The following FANCA variants were observed in gnomAD, a reference collection of about 807,000 sequenced individuals.
FANCA encodes the protein FA complementation group A.
Under a neutral mutation model 194.3 loss-of-function variants are expected in FANCA, and 236 were observed. The observed-to-expected ratio is 1.21, with a 90% CI of 1.09 to 1.35. FANCA has a LOEUF of 1.35. Among genes scored for constraint, FANCA ranks in the 40% most tolerant of loss-of-function variants. FANCA has a pLI of 0.00. For synonymous variants in FANCA, 1,014 were observed against 715.8 expected (o/e 1.42, Z -6.65); for missense variants, 2,628 against 1,813.9 (o/e 1.45, Z -8.15).
intron 40 of FANCA, 70 bp from the exon 41 acceptor site, chr16:89,739,359 C>G: frequency 6.2e-7 from 1 of 1,601,178 alleles, no homozygotes; most frequent in Non-Finnish European, 8.5e-7. Context: ...CCAAGGGATA[C>G]TGCTCATCTG....
intron 28 of FANCA, among the ~76,000 whole-genome samples, chr16:89,763,771 A>G (rs2039030505): frequency 6.6e-6 from 1 of 151,782 alleles, no homozygotes. Flanking sequence ...CATCTCTACT[A>G]AAAATACAAA....
intron 20 of FANCA, 65 bp from the exon 21 acceptor site, chr16:89,775,880 C>A (rs1281367037): frequency 3.1e-6 from 3 of 982,256 alleles, no homozygotes; most frequent in East Asian, 2.6e-5. Context: ...GATTACAATC[C>A]CCAAATCTAT....
At position 89,781,362 on chromosome 16, in the gene FANCA, C is replaced by CCAAAAA. The variant is rs1171908806; in HGVS notation, c.1627-1411_1627-1406dup. 3.1e-4 allele frequency among the ~76,000 whole-genome samples: 18 copies of CCAAAAA among 57,978 alleles called. 1 individual carries two copies. Among genetic ancestry groups the CCAAAAA allele is most frequent in the Non-Finnish European group, 5.2e-4 (18 of 34,546 alleles). The allele number at this position is 57,978 out of a possible 152,430, so 38.0% of individuals were successfully genotyped here. A position where few individuals can be genotyped will look rare whatever the true frequency, so the allele number is the denominator to read the frequency against. On this transcript the variant is annotated intron_variant, in intron 17 of 42. Coordinates refer to ENST00000389301, the MANE Select transcript of FANCA (RefSeq NM_000135.4). ...CTGGGCAATAGAACGAGACTCCATT[C>CCAAAAA]CAAAAAAAAAAAAAAAAAAAAAAAC... is the stretch of plus-strand genomic sequence containing the variant.
intron 20 of FANCA, among the ~76,000 whole-genome samples, chr16:89,776,319 C>T (rs952684664): frequency 8.6e-5 from 13 of 151,290 alleles, no homozygotes; most frequent in African/African-American, 3.1e-4. Context: ...AGGCGCCTGC[C>T]ACCAGGCCCA....
intron 27 of FANCA, among the ~76,000 whole-genome samples, chr16:89,766,066 G>A (rs1014842107): frequency 7.3e-5 from 11 of 151,114 alleles, no homozygotes; most frequent in East Asian, 2.0e-4. Context: ...GTGCAGTCTC[G>A]GCTCACTGCA....
chr16:89,803,756 G>C (rs946684571), intron 7 of FANCA, among the ~76,000 whole-genome samples: 4 of 151,884 alleles, frequency 2.6e-5, no homozygotes, highest in Non-Finnish European at 5.9e-5. Flanking sequence ...CCAGTAGCTG[G>C]GAATATAGGC....
At chr16:89,779,535 T>A (rs1343738190) in intron 18 of FANCA, among the ~76,000 whole-genome samples, 4 of 151,996 alleles carry the variant, frequency 2.6e-5, no homozygotes, top group African/African-American at 9.7e-5. Context: ...GTTGGCTGCT[T>A]CAGCACGGGA....
rs17227270 is a variant in FANCA at position 89,744,185 on chromosome 16, G to A, written c.3626+774C>T. Among the ~76,000 whole-genome samples, 417 of 152,274 alleles carry A rather than the reference G, an allele frequency of 2.7e-3. 8 individuals carry two copies. In the East Asian group the frequency reaches 0.039, roughly 14 times the overall value. Reference sequence around the variant, plus strand: ...GCTGGGATTACAGGTGTGCGCCACCGCGCCGGGGCCCTCTTCTCTTCTTTC... The same window carrying A: ...GCTGGGATTACAGGTGTGCGCCACCACGCCGGGGCCCTCTTCTCTTCTTTC... On this transcript the variant is annotated intron_variant, in intron 36 of 42. Coordinates refer to ENST00000389301, the MANE Select transcript of FANCA (RefSeq NM_000135.4).
At chr16:89,803,912 C>T (rs915272160) in intron 7 of FANCA, among the ~76,000 whole-genome samples, 1 of 152,124 alleles carries the variant, frequency 6.6e-6, no homozygotes, top group Admixed American at 6.6e-5. Flanking sequence ...AGTCACCCCA[C>T]CCAGCCCAAT....
rs45566133 is a variant in FANCA, at chr16:89,783,413, C to T, written c.1471-311G>A. The stretch of plus-strand genomic sequence containing the variant: ...AAAATACAAAAAAATTAGCCGGGCG[C>T]GGTGGTGGGCACCAGTAGTCCCAGC... On this transcript the variant is annotated intron_variant, in intron 15 of 42. Transcript: ENST00000389301. 1.8e-3 allele frequency among the ~76,000 whole-genome samples: 279 copies of T among 151,690 alleles called. 2 individuals are homozygous for T. Among genetic ancestry groups the T allele is most frequent in the African/African-American group, 6.4e-3 (266 of 41,352 alleles).
chr16:89,784,734 G>T, intron 15 of FANCA, 120 bp downstream of exon 15: 1 of 803,226 alleles, frequency 1.2e-6, no homozygotes, highest in Non-Finnish European at 2.2e-6. Flanking sequence ...GAAGGGGAAG[G>T]GCCTGGCTGA....
chr16:89,798,801 G>A (rs2040337577), intron 10 of FANCA: 2 of 1,435,548 alleles, frequency 1.4e-6, no homozygotes, highest in South Asian at 1.4e-5. Context: ...AAATGTGGGG[G>A]GCTGAGAGGC....
At chr16:89,774,753 A>AAAAAAAAAAAAAAAC (rs2039442720) in intron 21 of FANCA, among the ~76,000 whole-genome samples, 3 of 147,540 alleles carry the variant, frequency 2.0e-5, no homozygotes, top group African/African-American at 7.5e-5. Flanking sequence ...AAAAAAAAAA[A>AAAAAAAAAAAAAAAC]ATCTCAACGA....
At chr16:89,803,623 T>C (rs937431725) in intron 7 of FANCA, among the ~76,000 whole-genome samples, 1 of 137,570 alleles carries the variant, frequency 7.3e-6, no homozygotes, top group African/African-American at 3.0e-5. Context: ...CAGATTTTTT[T>C]CTTTTTTTTT....
chr16:89,795,356 C>T (rs113591398), intron 11 of FANCA, among the ~76,000 whole-genome samples: 1 of 151,470 alleles, frequency 6.6e-6, no homozygotes, highest in South Asian at 2.1e-4. Context: ...ACGCTGGGTG[C>T]GGTGGCTCAC....
At chr16:89,812,666 A>AAC (rs2040940318) in intron 3 of FANCA, among the ~76,000 whole-genome samples, 3 of 147,782 alleles carry the variant, frequency 2.0e-5, no homozygotes, top group South Asian at 2.3e-4. Flanking sequence ...AAAAAAAAAA[A>AAC]AAAACTGTTA....
In FANCA at chr16:89,763,646, A is replaced by T. The variant is rs949867557; in HGVS notation, c.2778+1244T>A. On this transcript the variant is annotated intron_variant, in intron 28 of 42. Transcript: ENST00000389301. ...ACAGCCTGGCAGACATGTTTAAAAC[A>T]AGTTCCCAGGGGCCGAGCGCAGTGG... Among the ~76,000 whole-genome samples the T allele has an allele frequency of 4.6e-5, 7 of 152,060 alleles. 1 individual carries two copies. The highest frequency in any genetic ancestry group is 1.7e-4 in the African/African-American group (7 of 41,416).
intron 12 of FANCA, 51 bp downstream of exon 12, chr16:89,792,420 T>C (rs1473721138): frequency 6.4e-7 from 1 of 1,570,186 alleles, no homozygotes; most frequent in East Asian, 2.2e-5. Flanking sequence ...AGGCAGATCT[T>C]AATCCCCCCG....
At chr16:89,739,791 C>A (rs1258311819) in intron 39 of FANCA, 1 of 1,466,728 alleles carries the variant, frequency 6.8e-7, no homozygotes, top group Non-Finnish European at 9.0e-7. Flanking sequence ...CCATGATAGG[C>A]CCATTGGTCC....
Sources: allele counts gnomAD v4.1 joint callset (sites outside exome capture counted in the v4.1 genomes callset), GRCh38; gene constraint gnomAD v4.1.1; transcripts MANE v1.5; gene names NCBI Gene and HGNC (gene_info 2026-07-23, HGNC 2026-07-21).